The following GNG7 variants were observed in gnomAD, a reference collection of about 807,000 sequenced individuals.
The protein encoded by GNG7 is G protein subunit gamma 7, also known as guanine nucleotide-binding protein G(I)/G(S)/G(O) subunit gamma-7.
A neutral mutation model predicts 4.0 loss-of-function variants in GNG7; 1 was observed. The ratio of observed to expected loss-of-function variants is 0.25; its 90% CI spans 0.09 to 1.18. The LOEUF (loss-of-function observed/expected upper bound fraction) is 1.18, where lower values mean the gene tolerates loss of function less well. Among genes scored for constraint, GNG7 ranks in the 50% most tolerant of loss-of-function variants. The pLI is 0.50. For synonymous variants in GNG7, 34 were observed against 36.9 expected (o/e 0.92, Z 0.29); for missense variants, 86 against 91.9 (o/e 0.94, Z 0.26).
intron 2 of GNG7, among the ~76,000 whole-genome samples, chr19:2,612,267 G>T (rs948158357): frequency 6.6e-6 from 1 of 152,158 alleles, no homozygotes; most frequent in Non-Finnish European, 1.5e-5. Flanking sequence ...CCTGGGCACT[G>T]CAGGGTGCTC....
In GNG7 at chr19:2,554,766, C is replaced by G. The variant is rs548588437; in HGVS notation, c.-38+383G>C. 2.0e-5 allele frequency among the ~76,000 whole-genome samples: 3 copies of G among 151,716 alleles called. No individual in the cohort carries two copies. In the South Asian group the frequency reaches 6.3e-4, roughly 32 times the overall value. On this transcript the variant is annotated intron_variant, in intron 3 of 4. Transcript: ENST00000382159. ...GACGGGGTTTCGCTGTGTTGGTCAG[C>G]CTGGTCTCAAACACCTGACCTCAGG...
At chr19:2,639,399 C>T (rs1982420595) in intron 2 of GNG7, among the ~76,000 whole-genome samples, 1 of 151,922 alleles carries the variant, frequency 6.6e-6, no homozygotes, top group African/African-American at 2.4e-5. Context: ...AGCCTGGCAG[C>T]CCACAGAAGG....
At chr19:2,588,632 G>A (rs915164452) in intron 2 of GNG7, among the ~76,000 whole-genome samples, 3 of 152,086 alleles carry the variant, frequency 2.0e-5, no homozygotes, top group Non-Finnish European at 4.4e-5. Flanking sequence ...ATTTCAAACC[G>A]CCTGCTGACG....
intron 2 of GNG7, among the ~76,000 whole-genome samples, chr19:2,592,447 A>G (rs1980872284): frequency 6.6e-6 from 1 of 152,118 alleles, no homozygotes; most frequent in Non-Finnish European, 1.5e-5. Flanking sequence ...GAAAGAAATG[A>G]ACAAAGGCCA....
At chr19:2,599,681 AATCCCAGCACTTTGGGAG>A (rs1358427690) in intron 2 of GNG7, among the ~76,000 whole-genome samples, 2 of 152,200 alleles carry the variant, frequency 1.3e-5, no homozygotes, top group African/African-American at 4.8e-5. Flanking sequence ...TCACGCCTGT[AATCCCAGCACTTTGGGAG>A]ACCGAGGCAG....
At chr19:2,598,456 G>C (rs1981095117) in intron 2 of GNG7, among the ~76,000 whole-genome samples, 1 of 151,342 alleles carries the variant, frequency 6.6e-6, no homozygotes, top group Non-Finnish European at 1.5e-5. Flanking sequence ...AGGAGATCGA[G>C]ACCATCCTGG....
chr19:2,598,461 T>A (rs1267367487), intron 2 of GNG7, among the ~76,000 whole-genome samples: 2 of 150,566 alleles, frequency 1.3e-5, no homozygotes, highest in African/African-American at 4.9e-5. Flanking sequence ...ATCGAGACCA[T>A]CCTGGCTAAC....
At position 2,665,679 on chromosome 19, in the gene GNG7, C is replaced by T. The variant is rs1002080772; in HGVS notation, c.-134-19399G>A. On this transcript the variant is annotated intron_variant, in intron 1 of 4. Coordinates refer to ENST00000382159, the MANE Select transcript of GNG7 (RefSeq NM_052847.3). Reference sequence around the variant, plus strand: ...GTGACCTTCAGTCCCTTGCCACTGTCGCTGTGCCTCAGTTTCCCACTCTGT... The same window carrying T: ...GTGACCTTCAGTCCCTTGCCACTGTTGCTGTGCCTCAGTTTCCCACTCTGT... Among the ~76,000 whole-genome samples, 11 of 152,104 alleles carry T rather than the reference C, an allele frequency of 7.2e-5. No homozygotes were observed. The East Asian group carries it at 1.7e-3, about 24-fold the overall frequency.
At chr19:2,531,303 CAAAAAAAAAAAAAAAA>C (rs58133235) in intron 3 of GNG7, among the ~76,000 whole-genome samples, 4 of 95,074 alleles carry the variant, frequency 4.2e-5, no homozygotes, top group East Asian at 4.0e-4. Context: ...GATTCCGTCT[CAAAAAAAAAAAAAAAA>C]AAAAAAAAAG....
chr19:2,620,550 G>A (rs1051908670), intron 2 of GNG7, among the ~76,000 whole-genome samples: 1 of 152,156 alleles, frequency 6.6e-6, no homozygotes, highest in Non-Finnish European at 1.5e-5. Context: ...ATGTTTTCAA[G>A]CAACTAAAGG....
chr19:2,596,342 G>C (rs1443543965), intron 2 of GNG7, among the ~76,000 whole-genome samples: 4 of 148,864 alleles, frequency 2.7e-5, no homozygotes, highest in Non-Finnish European at 4.5e-5. Context: ...CTGGGCGACA[G>C]AGTGAGAGTC....
intron 2 of GNG7, among the ~76,000 whole-genome samples, chr19:2,582,794 G>A (rs562150209): frequency 1.0e-4 from 15 of 148,460 alleles, no homozygotes; most frequent in East Asian, 8.0e-4. Context: ...TCAGCTTCCC[G>A]AGTAGCTAGG....
intron 1 of GNG7, among the ~76,000 whole-genome samples, chr19:2,698,780 G>C (rs535716744): frequency 1.2e-4 from 18 of 146,000 alleles, no homozygotes; most frequent in Middle Eastern, 3.4e-3. Flanking sequence ...CACTACTATC[G>C]GTGAACAAGA....
At chr19:2,549,241 C>T (rs991751134) in intron 3 of GNG7, among the ~76,000 whole-genome samples, 4 of 151,668 alleles carry the variant, frequency 2.6e-5, no homozygotes, top group African/African-American at 9.7e-5. Flanking sequence ...AAATGGCAGC[C>T]GTGGGGGTGG....
intron 2 of GNG7, among the ~76,000 whole-genome samples, chr19:2,573,342 G>C (rs189349117): frequency 3.9e-5 from 6 of 152,102 alleles, no homozygotes; most frequent in Admixed American, 1.3e-4. Flanking sequence ...TCATGAAATA[G>C]GTATTGAGGG....
chr19:2,602,694 C>T (rs1276055518), intron 2 of GNG7, among the ~76,000 whole-genome samples: 1 of 152,232 alleles, frequency 6.6e-6, no homozygotes, highest in Non-Finnish European at 1.5e-5. Context: ...ATACGCTGGA[C>T]AGCAAGCCAG....
intron 2 of GNG7, among the ~76,000 whole-genome samples, chr19:2,639,231 C>CAAA (rs61023034): frequency 7.0e-5 from 10 of 141,892 alleles, no homozygotes; most frequent in African/African-American, 2.3e-4. Context: ...GAGACTCTGT[C>CAAA]AAAAAAAAAA....
chr19:2,673,730 TA>T (rs1474791705), intron 1 of GNG7, among the ~76,000 whole-genome samples: 16 of 148,602 alleles, frequency 1.1e-4, no homozygotes, highest in Non-Finnish European at 2.1e-4. Flanking sequence ...GAAAGAAAAA[TA>T]AAATGTAAAT....
intron 2 of GNG7, among the ~76,000 whole-genome samples, chr19:2,574,851 C>G (rs1045428765): frequency 6.6e-6 from 1 of 152,210 alleles, no homozygotes; most frequent in South Asian, 2.1e-4. Context: ...GTTTCTCCAT[C>G]TCCTCTCCCG....
Sources: gnomAD v4.1 joint callset for allele counts (sites outside exome capture counted in the v4.1 genomes callset) on GRCh38, gnomAD v4.1.1 for gene constraint, MANE v1.5 for transcripts, NCBI Gene and HGNC (gene_info 2026-07-23, HGNC 2026-07-21) for gene names.